Variants in CAMK2A observed in about 807,000 individuals in gnomAD.
CAMK2A encodes calcium/calmodulin-dependent protein kinase type II subunit alpha.
Under a neutral mutation model 79.2 loss-of-function variants are expected in CAMK2A, and 7 were observed. The ratio of observed to expected loss-of-function variants is 0.09; its 90% CI spans 0.05 to 0.17. CAMK2A has a LOEUF of 0.17. Ranked by LOEUF, CAMK2A falls within the 10% of genes least tolerant of loss-of-function variation. The pLI, the probability that CAMK2A is intolerant of heterozygous loss-of-function variation, is 1.00. For synonymous variants in CAMK2A, 242 were observed against 251.7 expected (o/e 0.96, Z 0.36); for missense variants, 214 against 646.4 (o/e 0.33, Z 7.25).
chr5:150,258,269 C>T (rs1452523357), intron 3 of CAMK2A, among the ~76,000 whole-genome samples: 1 of 152,198 alleles, frequency 6.6e-6, no homozygotes, highest in African/African-American at 2.4e-5. Flanking sequence ...CCAGCATGCA[C>T]CCCTGAGCTA....
intron 17 of CAMK2A, 30 bp downstream of exon 17, chr5:150,228,162 C>CAGG: frequency 6.4e-7 from 1 of 1,561,020 alleles, no homozygotes; most frequent in South Asian, 1.1e-5. Flanking sequence ...GAGCAGACAA[C>CAGG]AGGCACCACA....
intron 15 of CAMK2A, among the ~76,000 whole-genome samples, chr5:150,232,192 T>C (rs1026674677): frequency 1.3e-5 from 2 of 152,228 alleles, no homozygotes; most frequent in Admixed American, 6.5e-5. Context: ...CAGATGTTTA[T>C]TTAAATGACT....
Position 150,223,536 on chromosome 5 carries a change from T to C in CAMK2A, c.1238-319A>G, listed in dbSNP as rs1754452472. ...GAGGATCATAGAACCAGAAGAGCTG[T>C]GAGCACAGTCTCAAATCCGGATCCC... On this transcript the variant is annotated intron_variant, in intron 17 of 18. Transcript: ENST00000671881. The surrounding 1 kb of genome is among the most constrained non-coding windows in gnomAD (Gnocchi z 4.1). Among the ~76,000 whole-genome samples, 1 of 152,172 alleles carries C rather than the reference T, an allele frequency of 6.6e-6. No individual in the cohort carries two copies. Among genetic ancestry groups the C allele is most frequent in the Non-Finnish European group, 1.5e-5 (1 of 68,024 alleles).
At chr5:150,265,077 C>T in intron 2 of CAMK2A, 62 bp from the exon 3 acceptor site, 1 of 1,277,250 alleles carries the variant, frequency 7.8e-7, no homozygotes, top group South Asian at 1.2e-5. Context: ...TCCATCTCCC[C>T]CTTCTCAAAG....
chr5:150,256,739 C>G lies in CAMK2A; in HGVS notation c.338+27G>C, dbSNP rs752273136. On this transcript the variant is annotated intron_variant, in intron 5 of 18. Transcript: ENST00000671881. This position sits in a 1 kb window ranked among gnomAD's most constrained non-coding sequence, Gnocchi z 4.6. The stretch of plus-strand genomic sequence containing the variant: ...GCAAGAGTGCCCTGTCCCCGGGTGC[C>G]ATTGCCAGGCAGCACCTGACACTCA... 3 of 1,611,908 alleles carry G rather than the reference C, an allele frequency of 1.9e-6. No individual in the cohort carries two copies. The highest frequency in any genetic ancestry group is 2.5e-6 in the Non-Finnish European group (3 of 1,178,106).
chr5:150,283,089 A>G (rs1580959458), intron 1 of CAMK2A, among the ~76,000 whole-genome samples: 1 of 152,278 alleles, frequency 6.6e-6, no homozygotes, highest in African/African-American at 2.4e-5. Context: ...AAGCCCCCCA[A>G]TTCCTTGGTG....
intron 16 of CAMK2A, among the ~76,000 whole-genome samples, chr5:150,228,868 A>G (rs955999132): frequency 1.3e-5 from 2 of 152,206 alleles, no homozygotes; most frequent in Non-Finnish European, 2.9e-5. Context: ...AAGATGAGAA[A>G]AATAGCATTA....
At chr5:150,281,361 C>G (rs939841608) in intron 1 of CAMK2A, among the ~76,000 whole-genome samples, 1 of 152,210 alleles carries the variant, frequency 6.6e-6, no homozygotes, top group Non-Finnish European at 1.5e-5. Flanking sequence ...GATTTGATCA[C>G]CCAGGACGTG....
Position 150,289,676 on chromosome 5 carries a change from G to A in CAMK2A, c.-51C>T, listed in dbSNP as rs537817124. 41 of 1,480,120 alleles carry A rather than the reference G, an allele frequency of 2.8e-5. No homozygotes were observed. The highest frequency in any genetic ancestry group is 2.8e-6 in the Non-Finnish European group (3 of 1,061,716). 91.7% of individuals were successfully genotyped at this position (1,480,120 alleles called of 1,614,324 possible). A position where few individuals can be genotyped will look rare whatever the true frequency, so the allele number is the denominator to read the frequency against. On this transcript the variant is annotated 5_prime_UTR_variant, in exon 1 of 19. Transcript: ENST00000671881. ...CTTGGGACTGGGGGACCAGGACTGA[G>A]GCGCTGCTGCTCTGCTCCCGAACCT...
intron 2 of CAMK2A, among the ~76,000 whole-genome samples, chr5:150,270,691 T>C (rs1756712879): frequency 6.6e-6 from 1 of 152,082 alleles, no homozygotes; most frequent in African/African-American, 2.4e-5. Context: ...GGCTGGCAGT[T>C]GGCAGACTTT....
intron 15 of CAMK2A, among the ~76,000 whole-genome samples, chr5:150,233,410 T>C (rs923738859): frequency 6.6e-6 from 1 of 152,176 alleles, no homozygotes; most frequent in African/African-American, 2.4e-5. Context: ...CAGCCACCAC[T>C]GTGAACAGCT....
intron 11 of CAMK2A, among the ~76,000 whole-genome samples, chr5:150,248,160 TG>T (rs1255604038): frequency 6.6e-6 from 1 of 152,114 alleles, no homozygotes; most frequent in Non-Finnish European, 1.5e-5. Context: ...TTTTCTTGCT[TG>T]GGCAACAACA....
rs1323034007 is a variant in CAMK2A, at chr5:150,222,270, C to T, written c.*440G>A. The T allele has an allele frequency of 5.3e-6, 3 of 564,300 alleles. No homozygotes were observed. The highest frequency in any genetic ancestry group is 9.6e-6 in the Non-Finnish European group (3 of 313,994). 35.0% of individuals were successfully genotyped at this position (564,300 alleles called of 1,614,324 possible). Reference sequence around the variant, plus strand: ...GGGGAAGGGAGTGTCATCTGCCCTTCCCCGGGGACACTGGAAGAGGAGAGG... The same window carrying T: ...GGGGAAGGGAGTGTCATCTGCCCTTTCCCGGGGACACTGGAAGAGGAGAGG... On this transcript the variant is annotated 3_prime_UTR_variant, in exon 19 of 19. Transcript: ENST00000671881.
At chr5:150,231,274 A>G in intron 16 of CAMK2A, 31 bp downstream of exon 16, 2 of 1,377,742 alleles carry the variant, frequency 1.5e-6, no homozygotes, top group Non-Finnish European at 2.0e-6. Flanking sequence ...CAATCCAGGC[A>G]GGACATGCAG....
rs1754389455 is a variant in CAMK2A, at chr5:150,222,903, G to C, written c.1466+86C>G. 7 of 1,430,246 alleles carry C rather than the reference G, an allele frequency of 4.9e-6. No individual in the cohort carries two copies. In the East Asian group the frequency reaches 1.6e-4, roughly 33 times the overall value. 88.6% of individuals were successfully genotyped at this position (1,430,246 alleles called of 1,614,324 possible). On this transcript the variant is annotated intron_variant, in intron 18 of 18. Transcript: ENST00000671881. ...ACTCTGCAGCCTTTCAGAGCTGAAGGCAGCAGCTTCCCCGACGTAACCCCC... is the reference window on the plus strand; with the variant it reads ...ACTCTGCAGCCTTTCAGAGCTGAAGCCAGCAGCTTCCCCGACGTAACCCCC...
intron 6 of CAMK2A, among the ~76,000 whole-genome samples, chr5:150,254,437 C>T (rs184078472): frequency 2.0e-5 from 3 of 152,312 alleles, no homozygotes; most frequent in African/African-American, 7.2e-5. Context: ...GCCAAGATCA[C>T]GCAGCTGGTA....
At chr5:150,286,979 G>T (rs1421104055) in intron 1 of CAMK2A, among the ~76,000 whole-genome samples, 1 of 152,238 alleles carries the variant, frequency 6.6e-6, no homozygotes, top group Non-Finnish European at 1.5e-5. Flanking sequence ...CCAGACTACA[G>T]GTGGGGGTAA....
intron 3 of CAMK2A, among the ~76,000 whole-genome samples, chr5:150,261,437 T>C (rs902160076): frequency 1.3e-5 from 2 of 152,244 alleles, no homozygotes; most frequent in African/African-American, 4.8e-5. Flanking sequence ...ATCATGGTCC[T>C]GTCTCCTGGT....
At chr5:150,239,186 C>T (rs1004668994) in intron 14 of CAMK2A, among the ~76,000 whole-genome samples, 4 of 152,062 alleles carry the variant, frequency 2.6e-5, no homozygotes, top group African/African-American at 9.7e-5. Context: ...CTGAGTGAGA[C>T]AGCGATGGAA....
Sources: allele counts gnomAD v4.1 joint callset (sites outside exome capture counted in the v4.1 genomes callset), GRCh38; gene constraint gnomAD v4.1.1; non-coding constraint Gnocchi (gnomAD v3.1); transcripts MANE v1.5; gene names NCBI Gene and HGNC (gene_info 2026-07-23, HGNC 2026-07-21).